Variants in SLF2 observed in about 807,000 individuals in gnomAD.
SLF2 encodes the protein SMC5-SMC6 complex localization factor protein 2.
SLF2 carries 68 observed loss-of-function variants against 124.3 expected under a neutral mutation model. That is an observed-to-expected ratio of 0.55 (90% CI 0.45 to 0.67). SLF2 has a LOEUF of 0.67. Among genes scored for constraint, SLF2 ranks in the 30% least tolerant of loss-of-function variants. The pLI, the probability that SLF2 is intolerant of heterozygous loss-of-function variation, is 0.00. For synonymous variants in SLF2, 480 were observed against 478.8 expected (o/e 1.00, Z -0.03); for missense variants, 1,246 against 1,373.7 (o/e 0.91, Z 1.47).
At chr10:100,933,674 T>G (rs1393267086) in intron 9 of SLF2, among the ~76,000 whole-genome samples, 1 of 152,030 alleles carries the variant, frequency 6.6e-6, no homozygotes, top group African/African-American at 2.4e-5. Flanking sequence ...ATTTATTTAT[T>G]TATTTGTTTG....
chr10:100,929,995 T>A lies in SLF2; in HGVS notation c.2331T>A (p.Leu777=). Residue 777 remains leucine (L), a splice_region_variant and synonymous_variant, in exon 8 of 20, where the codon CTT becomes CTA. Transcript: ENST00000238961. The stretch of plus-strand genomic sequence containing the variant: ...AAAGTGCTGTAGAAAAACTTATTCT[T>A]AAGTAAGTAGAAAAATAGACATTTT... ...IGQSAVEKLI[L]KSGKTDQIFL... The A allele has an allele frequency of 6.6e-7, 1 of 1,507,696 alleles. No individual in the cohort carries two copies. Among genetic ancestry groups the A allele is most frequent in the Non-Finnish European group, 8.9e-7 (1 of 1,124,530 alleles). 93.4% of individuals were successfully genotyped at this position (1,507,696 alleles called of 1,614,324 possible).
Position 100,924,457 on chromosome 10 carries a change from C to G in SLF2, c.1456C>G (p.Leu486Val), listed in dbSNP as rs547273335. The change falls in exon 5 of 20, where the codon CTA (leucine) becomes GTA (valine). Residue 486 changes from leucine (L) to valine (V), a missense_variant. Coordinates refer to ENST00000238961, the MANE Select transcript of SLF2 (RefSeq NM_018121.4). ...CCGTGTTCCAAGTGCTGGTTCCTCT[C>G]TAGTACCATTAAATGCTAAAAATTG... ...LSRVPSAGSS[L>V]VPLNAKNCAL... The G allele has an allele frequency of 1.9e-6, 3 of 1,614,042 alleles. No homozygotes were observed. The highest frequency in any genetic ancestry group is 2.5e-6 in the Non-Finnish European group (3 of 1,180,040).
intron 1 of SLF2, among the ~76,000 whole-genome samples, chr10:100,915,723 T>C (rs1217728959): frequency 6.6e-6 from 1 of 152,212 alleles, no homozygotes; most frequent in Non-Finnish European, 1.5e-5. Context: ...TCTGTACTAA[T>C]TCCTTGGGTC....
At chr10:100,945,942 A>T (rs1017965777) in intron 13 of SLF2, among the ~76,000 whole-genome samples, 2 of 152,244 alleles carry the variant, frequency 1.3e-5, no homozygotes, top group Non-Finnish European at 2.9e-5. Context: ...ATTTCATATA[A>T]GGCTGGCAGG....
chr10:100,939,453 G>A (rs551469960), intron 11 of SLF2, among the ~76,000 whole-genome samples: 7 of 152,024 alleles, frequency 4.6e-5, no homozygotes, highest in African/African-American at 1.4e-4. Flanking sequence ...CAAGGCGGGC[G>A]GATCACTTGA....
intron 10 of SLF2, among the ~76,000 whole-genome samples, chr10:100,937,868 C>G (rs537269408): frequency 1.3e-5 from 2 of 152,164 alleles, no homozygotes; most frequent in African/African-American, 4.8e-5. Flanking sequence ...TCTTGGCCTC[C>G]CACAGTGCTA....
rs755412268 is a variant in SLF2 at position 100,924,366 on chromosome 10, C to A, written c.1365C>A (p.Asn455Lys). The A allele has an allele frequency of 1.2e-6, 2 of 1,613,676 alleles. No individual in the cohort carries two copies. The highest frequency in any genetic ancestry group is 1.7e-5 in the Admixed American group (1 of 59,904). ...QEKSAIKKAS[N>K]LQKNKTASST... ...AGTCTGCAATTAAAAAAGCTAGCAA[C>A]CTTCAGAAAAATAAAACCGCTAGCT... is the stretch of plus-strand genomic sequence containing the variant. Residue 455 changes from asparagine to lysine, a missense_variant, in exon 5 of 20, where the codon AAC (asparagine) becomes AAA (lysine). Asn to Lys is a moderately conservative substitution (Grantham distance 94). This residue lies in a region of SLF2 where 698 missense variants were observed against 708.9 expected (regional missense o/e 0.98). Coordinates refer to ENST00000238961, the MANE Select transcript of SLF2 (RefSeq NM_018121.4).
chr10:100,957,581 G>A (rs1362356434), intron 18 of SLF2, among the ~76,000 whole-genome samples: 2 of 149,090 alleles, frequency 1.3e-5, no homozygotes, highest in Admixed American at 6.7e-5. Flanking sequence ...GGCTAGTCTC[G>A]AACTCCTGAC....
intron 9 of SLF2, among the ~76,000 whole-genome samples, chr10:100,931,478 G>A (rs1250812443): frequency 6.8e-6 from 1 of 146,558 alleles, no homozygotes; most frequent in African/African-American, 2.5e-5. Flanking sequence ...TTTTTTTTTT[G>A]GATGCAAATC....
Position 100,947,065 on chromosome 10 carries a change from T to A in SLF2, c.2961T>A (p.Asn987Lys). The change falls in exon 14 of 20, where the codon AAT (asparagine) becomes AAA (lysine). Residue 987 changes from asparagine to lysine, a missense_variant. This residue lies in a region of SLF2 where 535 missense variants were observed against 632.8 expected (regional missense o/e 0.85). Coordinates refer to ENST00000238961, the MANE Select transcript of SLF2 (RefSeq NM_018121.4). The stretch of plus-strand genomic sequence containing the variant: ...TGCCTGAACTCTGTCTGGGCATAAA[T>A]GAACTCTCCAGTCATCCCCACAACC... ...TKVPELCLGI[N>K]ELSSHPHNLL... The A allele has an allele frequency of 6.2e-7, 1 of 1,613,650 alleles. No homozygotes were observed. Among genetic ancestry groups the A allele is most frequent in the Non-Finnish European group, 8.5e-7 (1 of 1,179,762 alleles).
At chr10:100,931,302 C>T (rs180918585) in intron 9 of SLF2, among the ~76,000 whole-genome samples, 3 of 152,238 alleles carry the variant, frequency 2.0e-5, no homozygotes, top group East Asian at 3.9e-4. Context: ...TGTGCCTGAA[C>T]CCTTCACCAC....
chr10:100,942,820 A>C (rs1850007839), intron 11 of SLF2, among the ~76,000 whole-genome samples: 1 of 151,990 alleles, frequency 6.6e-6, no homozygotes, highest in South Asian at 2.1e-4. Context: ...TGCCCAGCCA[A>C]ATTTTGCCGT....
Position 100,913,038 on chromosome 10 carries a change from C to T in SLF2, c.-73C>T, listed in dbSNP as rs1351588991. 3 of 1,545,522 alleles carry T rather than the reference C, an allele frequency of 1.9e-6. No homozygotes were observed. The highest frequency in any genetic ancestry group is 2.6e-6 in the Non-Finnish European group (3 of 1,135,210). ...CTGCTCCGACAGCCTCCCGGAGTCC[C>T]AGCAGCAAGACGGCAACCACGCACC... On this transcript the variant is annotated 5_prime_UTR_variant, in exon 1 of 20. It introduces an in-frame stop codon into an upstream open reading frame of the 5' UTR. Coordinates refer to ENST00000238961, the MANE Select transcript of SLF2 (RefSeq NM_018121.4).
In SLF2 at chr10:100,944,029, T is replaced by G. The variant is rs1353992424; in HGVS notation, c.2658T>G (p.Ser886=). The part of the protein sequence containing the change: ...QPDFNEDYLV[S]ETQTTSRGKE... ...TGCTTTACTCACTTCTCAATAGTTCTGAAACACAGACAACATCAAGGGGGA... is the reference window on the plus strand; with the variant it reads ...TGCTTTACTCACTTCTCAATAGTTCGGAAACACAGACAACATCAAGGGGGA... The change falls in exon 12 of 20, where the codon TCT becomes TCG. Residue 886 remains serine, a synonymous_variant. Transcript: ENST00000238961. 6.2e-7 allele frequency: 1 copy of G among 1,606,406 alleles called. No individual in the cohort carries two copies. The highest frequency in any genetic ancestry group is 2.2e-5 in the East Asian group (1 of 44,752).
At chr10:100,961,732 C>T in intron 19 of SLF2, 145 bp from the exon 20 acceptor site, 11 of 608,986 alleles carry the variant, frequency 1.8e-5, no homozygotes, top group East Asian at 2.9e-5. Context: ...ATCTGATTAC[C>T]ATAAATTTTC....
intron 17 of SLF2, among the ~76,000 whole-genome samples, chr10:100,952,398 T>C (rs1030803123): frequency 1.4e-5 from 2 of 147,046 alleles, no homozygotes; most frequent in African/African-American, 5.1e-5. Flanking sequence ...AAAAAAAAAA[T>C]TAGCTGGGCA....
chr10:100,947,937 G>A, intron 15 of SLF2, 90 bp downstream of exon 15: 1 of 882,208 alleles, frequency 1.1e-6, no homozygotes, highest in South Asian at 1.5e-5. Flanking sequence ...AAAGGTCCTG[G>A]GGTCAGAGCT....
intron 1 of SLF2, among the ~76,000 whole-genome samples, chr10:100,914,845 C>T (rs1170894262): frequency 2.0e-5 from 3 of 152,202 alleles, no homozygotes; most frequent in Non-Finnish European, 4.4e-5. Flanking sequence ...GTACAAGAAG[C>T]TTAACCTTCA....
At chr10:100,926,085 AT>A (rs758298287) in intron 6 of SLF2, 66 bp downstream of exon 6, 3 of 1,613,516 alleles carry the variant, frequency 1.9e-6, no homozygotes, top group South Asian at 2.2e-5. Context: ...CTTACTTTTA[AT>A]TTACCTTTTT....
Sources: gnomAD v4.1 joint callset for allele counts (sites outside exome capture counted in the v4.1 genomes callset) on GRCh38, gnomAD v4.1.1 for gene constraint, gnomAD v4.1.1 regional missense constraint, MANE v1.5 for transcripts, NCBI Gene and HGNC (gene_info 2026-07-23, HGNC 2026-07-21) for gene names.